The following IHH variants were observed in gnomAD, a reference collection of about 807,000 sequenced individuals.
IHH encodes the protein Indian hedgehog signaling molecule, also known as indian hedgehog protein.
Under a neutral mutation model 29.4 loss-of-function variants are expected in IHH, and 9 were observed. The observed-to-expected ratio is 0.31, with a 90% CI of 0.18 to 0.53. The LOEUF (loss-of-function observed/expected upper bound fraction) is 0.53. IHH is among the 20% of genes least tolerant of loss of function. IHH has a pLI of 0.95. For synonymous variants in IHH, 254 were observed against 252.7 expected, an observed-to-expected ratio of 1.01 and a Z score of -0.05; for missense variants, 454 against 578.1, an observed-to-expected ratio of 0.79 and a Z score of 2.20.
intron 2 of IHH, among the ~76,000 whole-genome samples, chr2:219,056,512 C>T (rs958129557): frequency 6.6e-6 from 1 of 152,104 alleles, no homozygotes; most frequent in African/African-American, 2.4e-5. Context: ...AAGTGGTTGT[C>T]GTGGGTCAAT....
At position 219,055,823 on chromosome 2, in the gene IHH, C is replaced by T. The variant is rs563824337; in HGVS notation, c.620G>A (p.Gly207Glu). 1.2e-6 allele frequency: 2 copies of T among 1,612,088 alleles called. No individual in the cohort carries two copies. Among genetic ancestry groups the T allele is most frequent in the Non-Finnish European group, 1.7e-6 (2 of 1,179,974 alleles). The change falls in exon 3 of 3, where the codon GGA (glycine) becomes GAA (glutamate). Residue 207 changes from glycine to glutamate, a missense_variant. Gly to Glu is a moderately conservative substitution (Grantham distance 98). Coordinates refer to ENST00000295731, the MANE Select transcript of IHH (RefSeq NM_002181.4). The part of the protein sequence containing the change: ...AAKTGGCFPA[G>E]AQVRLESGAR... The stretch of plus-strand genomic sequence containing the variant: ...CCCACTCTCCAGGCGTACCTGGGCT[C>T]CGGCAGGGAAGCAGCCGCCCGTCTT...
Position 219,055,239 on chromosome 2 carries a change from G to A in IHH, c.1204C>T (p.His402Tyr), listed in dbSNP as rs765362312. The change falls in exon 3 of 3, where the codon CAC (histidine) becomes TAC (tyrosine). Residue 402 changes from histidine (H) to tyrosine (Y), a missense_variant. His to Tyr is a moderately conservative substitution (Grantham distance 83, BLOSUM62 2). Transcript: ENST00000295731. Reference protein sequence around the residue: ...GRLLLEEGSFHPLGMSGAGS With the variant: ...GRLLLEEGSFYPLGMSGAGS ...CCTGCCCCGGACATGCCCAGTGGGT[G>A]GAAGCTGCCCTCTTCTAGCAGGAGA... 4 of 1,598,074 alleles carry A rather than the reference G, an allele frequency of 2.5e-6. No homozygotes were observed. The highest frequency in any genetic ancestry group is 1.1e-5 in the South Asian group (1 of 88,720).
rs755666903 is a variant in IHH, at chr2:219,055,677, C to G, written c.766G>C (p.Ala256Pro). 1 of 1,614,072 alleles carries G rather than the reference C, an allele frequency of 6.2e-7. No individual in the cohort carries two copies. The highest frequency in any genetic ancestry group is 2.2e-5 in the East Asian group (1 of 44,884). Residue 256 changes from alanine (A) to proline (P), a missense_variant, in exon 3 of 3, where the codon GCC becomes CCC. Physicochemically the swap from Ala to Pro is conservative, Grantham distance 27 (BLOSUM62 -1). Coordinates refer to ENST00000295731, the MANE Select transcript of IHH (RefSeq NM_002181.4). The stretch of plus-strand genomic sequence containing the variant: ...TCCTGAGTCTCGATGACCTGGAAGG[C>G]TCTCAGCCTGTGAGGCTCGCGGTCC... ...FLDREPHRLRAFQVIETQDPP... is the reference protein window; with the variant it reads ...FLDREPHRLRPFQVIETQDPP...
chr2:219,058,935 A>T (rs1948855481), intron 1 of IHH, among the ~76,000 whole-genome samples: 3 of 152,246 alleles, frequency 2.0e-5, no homozygotes, highest in Admixed American at 6.5e-5. Context: ...CTTACTGCCC[A>T]GGGAGGGAGC....
At position 219,060,549 on chromosome 2, in the gene IHH, C is replaced by A. The variant is rs1948872917; in HGVS notation, c.-82G>T. On this transcript the variant is annotated 5_prime_UTR_variant, in exon 1 of 3. Transcript: ENST00000295731. The surrounding 1 kb of genome is among the most constrained non-coding windows in gnomAD (Gnocchi z 8.8). The stretch of plus-strand genomic sequence containing the variant: ...CGCGTCGACGGGAGCGCTGCGGGGG[C>A]TCAGGCGTCCGGGTGGCTCCGGGGG... 5.8e-6 allele frequency: 6 copies of A among 1,039,912 alleles called. No homozygotes were observed. In the Admixed American group the frequency reaches 1.2e-4, roughly 21 times the overall value. The allele number at this position is 1,039,912 out of a possible 1,614,324, so 64.4% of individuals were successfully genotyped here.
At position 219,060,150 on chromosome 2, in the gene IHH, C is replaced by A; in HGVS notation, c.315+3G>T. The A allele has an allele frequency of 6.2e-7, 1 of 1,605,736 alleles. No homozygotes were observed. Among genetic ancestry groups the A allele is most frequent in the South Asian group, 1.1e-5 (1 of 90,644 alleles). ...GCGCGCTGGTAGGGCGGATCGCGCT[C>A]ACCTGGGTCATGAGGCGGTCGGCGC... is the stretch of plus-strand genomic sequence containing the variant. On this transcript the variant is annotated splice_donor_region_variant and intron_variant, in intron 1 of 2. Transcript: ENST00000295731. The surrounding 1 kb of genome is among the most constrained non-coding windows in gnomAD (Gnocchi z 8.8).
At position 219,055,554 on chromosome 2, in the gene IHH, GGC is replaced by G. The variant is rs1439287924; in HGVS notation, c.887_888del (p.Ser296ThrfsTer57). On this transcript the variant is annotated frameshift_variant, in exon 3 of 3. Transcript: ENST00000295731. LOFTEE classifies it high-confidence loss of function. ...PAARFRATFA[S>X]HVQPGQYVLV... ...AGCACGTACTGGCCAGGCTGCACGT[GGC>G]TGGCAAATGTGGCCCGGAAGCGGGC... The G allele has an allele frequency of 6.2e-7, 1 of 1,612,958 alleles. No homozygotes were observed. The highest frequency in any genetic ancestry group is 1.7e-5 in the Admixed American group (1 of 59,996).
At position 219,055,043 on chromosome 2, in the gene IHH, C is replaced by T. The variant is rs796379911; in HGVS notation, c.*164G>A. The T allele has an allele frequency of 3.0e-5, 22 of 731,566 alleles. No homozygotes were observed. Among genetic ancestry groups the T allele is most frequent in the East Asian group, 5.4e-5 (2 of 36,820 alleles). 45.3% of individuals were successfully genotyped at this position (731,566 alleles called of 1,614,324 possible). On this transcript the variant is annotated 3_prime_UTR_variant, in exon 3 of 3. Transcript: ENST00000295731. Reference sequence around the variant, plus strand: ...ACTACACCACGACGGGGGTGGGGGACGCTGGTGTTGCCCAGTCAAGTCTCA... The same window carrying T: ...ACTACACCACGACGGGGGTGGGGGATGCTGGTGTTGCCCAGTCAAGTCTCA...
At chr2:219,056,229 C>A (rs1053801814) in intron 2 of IHH, among the ~76,000 whole-genome samples, 2 of 152,212 alleles carry the variant, frequency 1.3e-5, no homozygotes, top group Non-Finnish European at 2.9e-5. Context: ...CTTGCTCAGA[C>A]ACTTCCCAAA....
Position 219,055,251 on chromosome 2 carries a change from C to T in IHH, c.1192G>A (p.Glu398Lys), listed in dbSNP as rs1376736357. The T allele has an allele frequency of 6.2e-7, 1 of 1,604,888 alleles. No homozygotes were observed. The highest frequency in any genetic ancestry group is 8.5e-7 in the Non-Finnish European group (1 of 1,176,316). Residue 398 changes from glutamate (E) to lysine (K), a missense_variant, in exon 3 of 3, where the codon GAG (glutamate) becomes AAG (lysine). This residue lies in a region of IHH where 271 missense variants were observed against 315.9 expected (regional missense o/e 0.86). Transcript: ENST00000295731. Reference sequence around the variant, plus strand: ...ATGCCCAGTGGGTGGAAGCTGCCCTCTTCTAGCAGGAGACGCCCCAGGCGG... The same window carrying T: ...ATGCCCAGTGGGTGGAAGCTGCCCTTTTCTAGCAGGAGACGCCCCAGGCGG... ...LYRLGRLLLE[E>K]GSFHPLGMSG...
Position 219,059,890 on chromosome 2 carries a change from A to G in IHH, c.315+263T>C, listed in dbSNP as rs1948865498. On this transcript the variant is annotated intron_variant, in intron 1 of 2. Coordinates refer to ENST00000295731, the MANE Select transcript of IHH (RefSeq NM_002181.4). This position sits in a 1 kb window ranked among gnomAD's most constrained non-coding sequence, Gnocchi z 4.7. ...GGCTGAGCTGCCAGTACTTTGGGGC[A>G]GAGGAGCCGCCGCCAACCTGCTGGG... 6.6e-6 allele frequency among the ~76,000 whole-genome samples: 1 copy of G among 152,208 alleles called. No homozygotes were observed. The highest frequency in any genetic ancestry group is 2.1e-4 in the South Asian group (1 of 4,832).
At position 219,055,109 on chromosome 2, in the gene IHH, G is replaced by T; in HGVS notation, c.*98C>A. The T allele has an allele frequency of 7.8e-7, 1 of 1,284,112 alleles. No homozygotes were observed. Among genetic ancestry groups the T allele is most frequent in the Non-Finnish European group, 1.1e-6 (1 of 916,280 alleles). The allele number at this position is 1,284,112 out of a possible 1,614,324, so 79.5% of individuals were successfully genotyped here. ...GGCAGAGGAGATGGCAGGAGCCAGT[G>T]TCCCCCAGCTCAGGTCCCTTCCAGG... On this transcript the variant is annotated 3_prime_UTR_variant, in exon 3 of 3. Coordinates refer to ENST00000295731, the MANE Select transcript of IHH (RefSeq NM_002181.4).
Position 219,054,837 on chromosome 2 carries a change from G to T in IHH, c.*370C>A. ...CAGGGAATTTAGCAGCATCAACTGA[G>T]GCGCAAGCCCACCCAAAGGGGCCTA... On this transcript the variant is annotated 3_prime_UTR_variant, in exon 3 of 3. Transcript: ENST00000295731. 3.9e-6 allele frequency: 1 copy of T among 257,326 alleles called. No individual in the cohort carries two copies. The highest frequency in any genetic ancestry group is 7.5e-6 in the Non-Finnish European group (1 of 132,616). 15.9% of individuals were successfully genotyped at this position (257,326 alleles called of 1,614,324 possible).
chr2:219,059,255 C>T lies in IHH; in HGVS notation c.315+898G>A, dbSNP rs561018077. 6.6e-6 allele frequency among the ~76,000 whole-genome samples: 1 copy of T among 152,368 alleles called. No individual in the cohort carries two copies. Among genetic ancestry groups the T allele is most frequent in the African/African-American group, 2.4e-5 (1 of 41,598 alleles). ...CCAACGGATCTAGAAAGCCAGGGGC[C>T]TGCTTTCAGGGGGAAGCCTCGGGAG... On this transcript the variant is annotated intron_variant, in intron 1 of 2. Coordinates refer to ENST00000295731, the MANE Select transcript of IHH (RefSeq NM_002181.4). This position sits in a 1 kb window ranked among gnomAD's most constrained non-coding sequence, Gnocchi z 4.7.
chr2:219,056,434 G>A (rs112293342), intron 2 of IHH, among the ~76,000 whole-genome samples: 48 of 152,214 alleles, frequency 3.2e-4, no homozygotes, highest in Non-Finnish European at 5.0e-4. Context: ...CCCTGTGCAG[G>A]GACAGAACAC....
chr2:219,057,227 C>T (rs904793022), intron 2 of IHH, among the ~76,000 whole-genome samples: 20 of 152,218 alleles, frequency 1.3e-4, no homozygotes, highest in Non-Finnish European at 2.6e-4. Flanking sequence ...AGGGCCCTAT[C>T]GCCCTAGGCT....
intron 2 of IHH, among the ~76,000 whole-genome samples, chr2:219,056,167 G>A (rs1050708172): frequency 1.3e-5 from 2 of 152,170 alleles, no homozygotes; most frequent in African/African-American, 4.8e-5. Context: ...CTCATGGAAG[G>A]GGGAGGTTGC....
Position 219,060,440 on chromosome 2 carries a change from G to T in IHH, c.28C>A (p.Leu10Met), listed in dbSNP as rs1394617005. Reference protein sequence around the residue: MSPARLRPRLHFCLVLLLLL... With the variant: MSPARLRPRMHFCLVLLLLL... ...AGCAACAGGACCAGGCAGAAGTGCA[G>T]TCGGGGCCGGAGCCGGGCGGGAGAC... is the stretch of plus-strand genomic sequence containing the variant. The change falls in exon 1 of 3, where the codon CTG (leucine) becomes ATG (methionine). Residue 10 changes from leucine to methionine, a missense_variant. Physicochemically the swap from Leu to Met is conservative, Grantham distance 15. Transcript: ENST00000295731. This position sits in a 1 kb window ranked among gnomAD's most constrained non-coding sequence, Gnocchi z 8.8. The T allele has an allele frequency of 6.4e-7, 1 of 1,567,856 alleles. No homozygotes were observed. The highest frequency in any genetic ancestry group is 2.3e-5 in the East Asian group (1 of 43,808).
rs1343928445 is a variant in IHH, at chr2:219,060,458, C to A, written c.10G>T (p.Ala4Ser). ...AAGTGCAGTCGGGGCCGGAGCCGGG[C>A]GGGAGACATGGCCGGGGAGCCCGGG... MSP[A>S]RLRPRLHFCL... The change falls in exon 1 of 3, where the codon GCC becomes TCC. Residue 4 changes from alanine to serine, a missense_variant. Around this residue, in one of 3 missense-constraint regions of IHH, gnomAD observed 113 missense variants for 122.1 expected, o/e 0.93. Coordinates refer to ENST00000295731, the MANE Select transcript of IHH (RefSeq NM_002181.4). The surrounding 1 kb of genome is among the most constrained non-coding windows in gnomAD (Gnocchi z 8.8). 3 of 1,517,980 alleles carry A rather than the reference C, an allele frequency of 2.0e-6. No homozygotes were observed. Among genetic ancestry groups the A allele is most frequent in the East Asian group, 4.8e-5 (2 of 41,682 alleles). The allele number at this position is 1,517,980 out of a possible 1,614,324, so 94.0% of individuals were successfully genotyped here. A position where few individuals can be genotyped will look rare whatever the true frequency, so the allele number is the denominator to read the frequency against.
Sources: gnomAD v4.1 joint callset for allele counts (sites outside exome capture counted in the v4.1 genomes callset) on GRCh38, gnomAD v4.1.1 for gene constraint, gnomAD v4.1.1 regional missense constraint, Gnocchi (gnomAD v3.1) non-coding constraint, MANE v1.5 for transcripts, NCBI Gene and HGNC (gene_info 2026-07-23, HGNC 2026-07-21) for gene names.